Variants in CALN1 observed in about 807,000 individuals in gnomAD.
CALN1 encodes calneuron 1.
In CALN1, 17 loss-of-function variants were observed where a neutral mutation model predicts 30.6. The observed-to-expected ratio is 0.56, with a 90% CI of 0.38 to 0.83. The LOEUF is 0.83. Among genes scored for constraint, CALN1 ranks in the 40% least tolerant of loss-of-function variants. The pLI is 0.00. For missense variants in CALN1, 291 were observed against 354.9 expected, an observed-to-expected ratio of 0.82 and a Z score of 1.45; for synonymous variants, 156 against 131.4, an observed-to-expected ratio of 1.19 and a Z score of -1.28.
intron 2 of CALN1, among the ~76,000 whole-genome samples, chr7:72,340,513 A>G (rs1199770751): frequency 6.6e-6 from 1 of 152,194 alleles, no homozygotes; most frequent in Non-Finnish European, 1.5e-5. Context: ...TTGGGACTTA[A>G]GCATGAGCTG....
chr7:72,499,834 T>A, the CALN1 span, among the ~76,000 whole-genome samples: 1 of 29,218 alleles, frequency 3.4e-5, no homozygotes, highest in Non-Finnish European at 6.1e-5. Flanking sequence ...TCCTTCTTTC[T>A]TTCTTTCTTT....
At chr7:72,223,324 G>C (rs1793439211) in intron 3 of CALN1, among the ~76,000 whole-genome samples, 1 of 152,142 alleles carries the variant, frequency 6.6e-6, no homozygotes, top group Non-Finnish European at 1.5e-5. Flanking sequence ...CAAGTCACTG[G>C]AGGAGGGAAA....
chr7:72,203,979 C>CTT (rs869149598), intron 3 of CALN1, among the ~76,000 whole-genome samples: 1,232 of 83,774 alleles, frequency 0.015, 38 homozygotes, highest in Non-Finnish European at 0.02. Flanking sequence ...AGGCCTCTCT[C>CTT]TTTTTTTTTT....
chr7:72,378,925 G>A (rs1265596426), intron 2 of CALN1, among the ~76,000 whole-genome samples: 7 of 152,036 alleles, frequency 4.6e-5, no homozygotes, highest in Non-Finnish European at 1.0e-4. Flanking sequence ...GTTGGATTTT[G>A]TTAAATGCTT....
chr7:72,096,357 A>G (rs969794890), intron 4 of CALN1, among the ~76,000 whole-genome samples: 1 of 152,176 alleles, frequency 6.6e-6, no homozygotes, highest in African/African-American at 2.4e-5. Flanking sequence ...TCTCACATGT[A>G]TCTTCCACTC....
At chr7:71,971,953 AAAAGAAAGAAAGAAAGAAAGAAAG>A (rs61083921) in intron 5 of CALN1, among the ~76,000 whole-genome samples, 1 of 72,838 alleles carries the variant, frequency 1.4e-5, no homozygotes, top group African/African-American at 7.0e-5. Context: ...AAAAAAAAAA[AAAAGAAAGAAAGAAAGAAAGAAAG>A]AAAGAAAGAA....
At chr7:72,002,220 C>T (rs1799560905) in intron 5 of CALN1, among the ~76,000 whole-genome samples, 1 of 152,114 alleles carries the variant, frequency 6.6e-6, no homozygotes, top group Non-Finnish European at 1.5e-5. Flanking sequence ...CTGTAAATTG[C>T]AAATATGGTT....
At chr7:72,125,876 A>C in intron 3 of CALN1, among the ~76,000 whole-genome samples, 1 of 140,304 alleles carries the variant, frequency 7.1e-6, no homozygotes, top group African/African-American at 2.7e-5. Context: ...ATCTCAGCTC[A>C]CTGCAAACCA....
In CALN1 at chr7:72,412,188, G is replaced by C. The variant is rs962759384; in HGVS notation, c.-204C>G. 1 of 152,702 alleles carries C rather than the reference G, an allele frequency of 6.5e-6. No individual in the cohort carries two copies. Among genetic ancestry groups the C allele is most frequent in the Non-Finnish European group, 1.5e-5 (1 of 68,218 alleles). The allele number at this position is 152,702 out of a possible 1,614,324, so 9.5% of individuals were successfully genotyped here. On this transcript the variant is annotated 5_prime_UTR_variant, in exon 1 of 7. Coordinates refer to ENST00000395275, the MANE Select transcript of CALN1 (RefSeq NM_031468.4). ...CCGGAGTCGTCTGCTCCTCCCGGTGGGCTTGCGGTCTTGCTGACTTCAAGA... is the reference window on the plus strand; with the variant it reads ...CCGGAGTCGTCTGCTCCTCCCGGTGCGCTTGCGGTCTTGCTGACTTCAAGA...
At chr7:72,313,713 A>T (rs939473610) in intron 2 of CALN1, among the ~76,000 whole-genome samples, 39 of 45,692 alleles carry the variant, frequency 8.5e-4, no homozygotes, top group Admixed American at 2.0e-3. Context: ...AAAAAATTTA[A>T]TGATGGGACT....
intron 5 of CALN1, among the ~76,000 whole-genome samples, chr7:71,945,308 G>C (rs1796349650): frequency 6.6e-6 from 1 of 152,122 alleles, no homozygotes; most frequent in Non-Finnish European, 1.5e-5. Flanking sequence ...ACCCAGTTTT[G>C]GGTATTCCTT....
At chr7:72,353,546 G>C (rs1399720887) in intron 2 of CALN1, among the ~76,000 whole-genome samples, 1 of 152,108 alleles carries the variant, frequency 6.6e-6, no homozygotes, top group African/African-American at 2.4e-5. Context: ...TGAAAACTTA[G>C]AAAGTTTGGA....
chr7:71,943,404 T>C (rs1041902363), intron 5 of CALN1, among the ~76,000 whole-genome samples: 1 of 152,178 alleles, frequency 6.6e-6, no homozygotes, highest in Non-Finnish European at 1.5e-5. Context: ...CACATATCCA[T>C]GCCTCTGTTT....
the CALN1 span, among the ~76,000 whole-genome samples, chr7:72,501,549 G>A: frequency 1.5e-5 from 2 of 134,938 alleles, no homozygotes; most frequent in Admixed American, 7.5e-5. Flanking sequence ...AGGAAGGAGG[G>A]AGGGAGGGAG....
intron 2 of CALN1, among the ~76,000 whole-genome samples, chr7:72,311,410 T>C (rs1800037181): frequency 6.6e-6 from 1 of 152,140 alleles, no homozygotes; most frequent in South Asian, 2.1e-4. Context: ...TTATGTGAAT[T>C]TTTTACTGTG....
chr7:72,441,701 C>T (rs1369892889), intron 1 of CALN1, among the ~76,000 whole-genome samples: 1 of 151,298 alleles, frequency 6.6e-6, no homozygotes, highest in East Asian at 1.9e-4. Context: ...TCGTCTTGAA[C>T]AAGGAAGAAG....
rs1311984218 is a variant in CALN1 at position 72,315,223 on chromosome 7, CAT to C, written c.120-36415_120-36414del. Among the ~76,000 whole-genome samples the C allele has an allele frequency of 1.9e-4, 29 of 152,102 alleles. No individual in the cohort carries two copies. The East Asian group carries it at 2.7e-3, about 14-fold the overall frequency. On this transcript the variant is annotated intron_variant, in intron 2 of 6. Coordinates refer to ENST00000395275, the MANE Select transcript of CALN1 (RefSeq NM_031468.4). Reference sequence around the variant, plus strand: ...AAGAAATAAAGGGATAAAGAGCAAACATAGAAAATTTTGCAACATGTAATAAA... The same window carrying C: ...AAGAAATAAAGGGATAAAGAGCAAACAGAAAATTTTGCAACATGTAATAAA...
At chr7:72,280,467 A>C (rs1487420905) in intron 2 of CALN1, among the ~76,000 whole-genome samples, 1 of 152,242 alleles carries the variant, frequency 6.6e-6, no homozygotes, top group African/African-American at 2.4e-5. Flanking sequence ...GATGTTTCCA[A>C]ATCTATCCTT....
At chr7:71,992,780 C>A (rs557536600) in intron 5 of CALN1, among the ~76,000 whole-genome samples, 1 of 152,308 alleles carries the variant, frequency 6.6e-6, no homozygotes, top group South Asian at 2.1e-4. Context: ...TCGAGACCAG[C>A]CGAAATATCG....
Sources: gnomAD v4.1 joint callset for allele counts (sites outside exome capture counted in the v4.1 genomes callset) on GRCh38, gnomAD v4.1.1 for gene constraint, MANE v1.5 for transcripts, NCBI Gene and HGNC (gene_info 2026-07-23, HGNC 2026-07-21) for gene names.